ADGRL2: variants seen among roughly 807,000 people sequenced by gnomAD.
ADGRL2 encodes calcium-independent alpha-latrotoxin receptor 2.
A neutral mutation model predicts 157.4 loss-of-function variants in ADGRL2; 44 were observed. That is an observed-to-expected ratio of 0.28 (90% CI 0.22 to 0.36). ADGRL2 has a LOEUF of 0.36. Ranked by LOEUF, ADGRL2 falls within the 10% of genes least tolerant of loss-of-function variation. The pLI, the probability that ADGRL2 is intolerant of heterozygous loss-of-function variation, is 1.00. For synonymous variants in ADGRL2, 585 were observed against 624.7 expected (o/e 0.94, Z 0.95); for missense variants, 1,510 against 1,768.9 (o/e 0.85, Z 2.63).
intron 3 of ADGRL2, among the ~76,000 whole-genome samples, chr1:81,930,286 A>G (rs556452343): frequency 8.5e-5 from 13 of 152,270 alleles, no homozygotes; most frequent in African/African-American, 2.9e-4. Context: ...TAAAAAGATA[A>G]TCTTTCTTGA....
intron 1 of ADGRL2, among the ~76,000 whole-genome samples, chr1:81,420,538 T>C (rs1347812894): frequency 6.6e-6 from 1 of 152,244 alleles, no homozygotes; most frequent in Non-Finnish European, 1.5e-5. Context: ...TCATACGTTT[T>C]CTGAGTTTTC....
At chr1:81,951,670 A>G (rs1651840233) in intron 8 of ADGRL2, among the ~76,000 whole-genome samples, 1 of 152,132 alleles carries the variant, frequency 6.6e-6, no homozygotes, top group Non-Finnish European at 1.5e-5. Context: ...TAAAATAACA[A>G]TTTTAAATGG....
chr1:81,619,275 CT>C (rs36114889), intron 3 of ADGRL2, among the ~76,000 whole-genome samples: 76,322 of 145,572 alleles, frequency 0.52, 19,655 homozygotes, highest in Non-Finnish European at 0.56. Flanking sequence ...ACAGTTGTGG[CT>C]TTTTTTTTTT....
At chr1:81,728,410 C>G (rs1315520347) in intron 1 of ADGRL2, among the ~76,000 whole-genome samples, 1 of 152,118 alleles carries the variant, frequency 6.6e-6, no homozygotes, top group East Asian at 1.9e-4. Context: ...TGTAAAAAGC[C>G]TTTAAATGCA....
At chr1:81,656,863 A>T (rs953050275) in intron 3 of ADGRL2, among the ~76,000 whole-genome samples, 1 of 151,964 alleles carries the variant, frequency 6.6e-6, no homozygotes, top group African/African-American at 2.4e-5. Flanking sequence ...TACAAAAATT[A>T]GATGGGTGTG....
chr1:81,636,583 C>T (rs2082119190), intron 3 of ADGRL2, among the ~76,000 whole-genome samples: 1 of 152,006 alleles, frequency 6.6e-6, no homozygotes, highest in Admixed American at 6.6e-5. Flanking sequence ...TTACCATGTT[C>T]TCGGGAGCTT....
chr1:81,450,916 G>T (rs1244058407), intron 2 of ADGRL2, among the ~76,000 whole-genome samples: 1 of 152,006 alleles, frequency 6.6e-6, no homozygotes, highest in Non-Finnish European at 1.5e-5. Flanking sequence ...GGTTGATTTT[G>T]TTCATTCCAT....
intron 1 of ADGRL2, among the ~76,000 whole-genome samples, chr1:81,816,261 CCT>C (rs1169107677): frequency 6.6e-6 from 1 of 151,500 alleles, no homozygotes; most frequent in African/African-American, 2.4e-5. Context: ...GTCAGTTTTT[CCT>C]ATTTATAAAG....
intron 1 of ADGRL2, among the ~76,000 whole-genome samples, chr1:81,380,978 T>C (rs1222738499): frequency 6.6e-6 from 1 of 152,160 alleles, no homozygotes; most frequent in African/African-American, 2.4e-5. Flanking sequence ...TTTACAATTA[T>C]GTTTTGTTCT....
At chr1:81,582,790 C>T (rs1038324211) in intron 3 of ADGRL2, among the ~76,000 whole-genome samples, 13 of 152,086 alleles carry the variant, frequency 8.5e-5, no homozygotes, top group African/African-American at 3.1e-4. Context: ...AAAAAAGTGC[C>T]TAAACTATTT....
intron 1 of ADGRL2, among the ~76,000 whole-genome samples, chr1:81,358,529 TG>T (rs2075910662): frequency 6.6e-6 from 1 of 152,152 alleles, no homozygotes; most frequent in Non-Finnish European, 1.5e-5. Context: ...ACCCCAATTT[TG>T]TGTTCTTTCA....
At chr1:81,921,686 G>T (rs1434102327) in intron 3 of ADGRL2, among the ~76,000 whole-genome samples, 1 of 152,158 alleles carries the variant, frequency 6.6e-6, no homozygotes, top group Non-Finnish European at 1.5e-5. Flanking sequence ...GCTAATTCAG[G>T]CTAGAAGTAT....
At chr1:81,988,971 A>G (rs1663984659) in intron 23 of ADGRL2, among the ~76,000 whole-genome samples, 1 of 147,348 alleles carries the variant, frequency 6.8e-6, no homozygotes. Context: ...TTACAGACCT[A>G]TCTGTAGACT....
chr1:81,367,892 G>A (rs1316949583), intron 1 of ADGRL2, among the ~76,000 whole-genome samples: 2 of 152,116 alleles, frequency 1.3e-5, no homozygotes. Context: ...ATTCCATGGT[G>A]TACATGTACC....
chr1:81,427,362 C>G, intron 1 of ADGRL2: 2 of 732,012 alleles, frequency 2.7e-6, no homozygotes, highest in Non-Finnish European at 5.0e-6. Flanking sequence ...GGTGGCGGAC[C>G]AGGATATGGA....
intron 2 of ADGRL2, among the ~76,000 whole-genome samples, chr1:81,530,575 C>T (rs1408700405): frequency 6.6e-6 from 1 of 151,980 alleles, no homozygotes; most frequent in African/African-American, 2.4e-5. Context: ...TCTCCAACTC[C>T]TGAGTTCAAG....
intron 3 of ADGRL2, among the ~76,000 whole-genome samples, chr1:81,919,946 A>G (rs1313536477): frequency 6.6e-6 from 1 of 152,184 alleles, no homozygotes; most frequent in Non-Finnish European, 1.5e-5. Context: ...ACTGAATATG[A>G]AATGTAACCA....
At chr1:81,682,681 A>G (rs544689363) in intron 3 of ADGRL2, among the ~76,000 whole-genome samples, 35 of 152,322 alleles carry the variant, frequency 2.3e-4, no homozygotes, top group East Asian at 1.9e-4. Context: ...TGATAACGCT[A>G]TATAGGAGTC....
intron 3 of ADGRL2, among the ~76,000 whole-genome samples, chr1:81,917,849 T>C (rs1320715385): frequency 6.9e-6 from 1 of 145,108 alleles, no homozygotes; most frequent in Non-Finnish European, 1.6e-5. Context: ...GATAGATTCA[T>C]GGTAAACCCA....
Sources: allele counts gnomAD v4.1 joint callset (sites outside exome capture counted in the v4.1 genomes callset), GRCh38; gene constraint gnomAD v4.1.1; transcripts MANE v1.5; gene names NCBI Gene and HGNC (gene_info 2026-07-23, HGNC 2026-07-21).